The following LSAMP variants were observed in gnomAD, a reference collection of about 807,000 sequenced individuals.
LSAMP encodes limbic system-associated membrane protein.
In LSAMP, 7 loss-of-function variants were observed where a neutral mutation model predicts 38.6. The observed-to-expected ratio is 0.18, with a 90% confidence interval of 0.10 to 0.34. LSAMP has a LOEUF of 0.34. LSAMP is among the 10% of genes least tolerant of loss of function. The pLI is 1.00. For missense variants in LSAMP, 313 were observed against 420.0 expected, an observed-to-expected ratio of 0.75 and a Z score of 2.23; for synonymous variants, 154 against 166.8, an observed-to-expected ratio of 0.92 and a Z score of 0.59.
intron 3 of LSAMP, among the ~76,000 whole-genome samples, chr3:115,873,496 G>T (rs1403624672): frequency 6.6e-6 from 1 of 151,800 alleles, no homozygotes; most frequent in East Asian, 1.9e-4. Context: ...GAAAATAAGA[G>T]AAAAAAGGAG....
intron 3 of LSAMP, among the ~76,000 whole-genome samples, chr3:115,932,944 G>A (rs1937604846): frequency 6.6e-6 from 1 of 152,164 alleles, no homozygotes. Context: ...GTGGAAAGAG[G>A]TGGTGACTTG....
chr3:116,385,920 T>TTACTACTACTACTAC (rs71616351), intron 1 of LSAMP, among the ~76,000 whole-genome samples: 10 of 151,012 alleles, frequency 6.6e-5, no homozygotes, highest in African/African-American at 2.4e-4. Context: ...ATTATTGACA[T>TTACTACTACTACTAC]TACTACTACT....
intron 1 of LSAMP, among the ~76,000 whole-genome samples, chr3:116,215,386 C>A (rs2046207223): frequency 6.6e-6 from 1 of 152,046 alleles, no homozygotes; most frequent in Non-Finnish European, 1.5e-5. Flanking sequence ...ATACCTGCCA[C>A]TTCCAACTTT....
chr3:116,081,378 T>G (rs1334939821), intron 2 of LSAMP, among the ~76,000 whole-genome samples: 7 of 151,444 alleles, frequency 4.6e-5, no homozygotes, highest in Admixed American at 4.6e-4. Context: ...TGCTTGAACC[T>G]GGGAAGCAGA....
intron 1 of LSAMP, among the ~76,000 whole-genome samples, chr3:116,297,284 A>C (rs2047349294): frequency 1.3e-5 from 2 of 152,218 alleles, no homozygotes; most frequent in South Asian, 4.1e-4. Context: ...GGTCACTGAA[A>C]TCTTGGAGAG....
intron 1 of LSAMP, among the ~76,000 whole-genome samples, chr3:116,097,907 G>A (rs940818851): frequency 1.3e-5 from 2 of 151,836 alleles, no homozygotes; most frequent in Non-Finnish European, 2.9e-5. Context: ...GGCTAATTTT[G>A]TATTTTTAGG....
chr3:116,252,527 G>GA (rs200078334), intron 1 of LSAMP, among the ~76,000 whole-genome samples: 145 of 150,144 alleles, frequency 9.7e-4, no homozygotes, highest in African/African-American at 3.1e-3. Context: ...AATAATGTAT[G>GA]AAAAAAAAAT....
chr3:116,409,087 G>T (rs2048936779), intron 1 of LSAMP, among the ~76,000 whole-genome samples: 1 of 152,006 alleles, frequency 6.6e-6, no homozygotes, highest in Non-Finnish European at 1.5e-5. Context: ...GTGCTAAAAA[G>T]TGTCTATCAT....
chr3:116,246,062 AG>A (rs1371381278), intron 1 of LSAMP, among the ~76,000 whole-genome samples: 4 of 152,170 alleles, frequency 2.6e-5, no homozygotes, highest in Admixed American at 1.3e-4. Context: ...CTTCCCAATG[AG>A]AAAAAAATGA....
intron 2 of LSAMP, among the ~76,000 whole-genome samples, chr3:116,053,045 A>G (rs1941424827): frequency 6.6e-6 from 1 of 152,248 alleles, no homozygotes; most frequent in African/African-American, 2.4e-5. Context: ...GGCACCAGCC[A>G]TCACCTGATG....
At chr3:116,133,957 C>T (rs1021794193) in intron 1 of LSAMP, among the ~76,000 whole-genome samples, 9 of 152,102 alleles carry the variant, frequency 5.9e-5, no homozygotes, top group Non-Finnish European at 1.2e-4. Flanking sequence ...ATTAGTGACA[C>T]AGATGGAACA....
chr3:115,979,941 T>C (rs1376730244), intron 3 of LSAMP, among the ~76,000 whole-genome samples: 1 of 152,134 alleles, frequency 6.6e-6, no homozygotes, highest in East Asian at 1.9e-4. Flanking sequence ...AAAGGTGCCC[T>C]TTAATCATTA....
intron 1 of LSAMP, among the ~76,000 whole-genome samples, chr3:116,344,308 A>C (rs1340647077): frequency 6.6e-6 from 1 of 152,184 alleles, no homozygotes; most frequent in African/African-American, 2.4e-5. Flanking sequence ...AAGAAAATGC[A>C]AATAACCCAG....
intron 2 of LSAMP, among the ~76,000 whole-genome samples, chr3:116,059,159 T>G (rs959607468): frequency 6.6e-6 from 1 of 152,196 alleles, no homozygotes; most frequent in Non-Finnish European, 1.5e-5. Context: ...ATTTAGAACC[T>G]GGCTGGCTGA....
chr3:116,439,736 A>ATTTG (rs2049407272), intron 1 of LSAMP, among the ~76,000 whole-genome samples: 1 of 152,116 alleles, frequency 6.6e-6, no homozygotes, highest in African/African-American at 2.4e-5. Flanking sequence ...TTATTTATTT[A>ATTTG]TTTTTGAGAC....
chr3:115,974,566 A>C (rs1165939071), intron 3 of LSAMP, among the ~76,000 whole-genome samples: 3 of 152,068 alleles, frequency 2.0e-5, no homozygotes, highest in Non-Finnish European at 2.9e-5. Flanking sequence ...TTTTCCTTAA[A>C]AGTAAGGGCA....
At chr3:115,985,242 C>A (rs1300443615) in intron 3 of LSAMP, among the ~76,000 whole-genome samples, 2 of 152,012 alleles carry the variant, frequency 1.3e-5, no homozygotes, top group African/African-American at 4.8e-5. Context: ...AAATCAGTAC[C>A]AAAGCGTTGC....
At chr3:116,044,959 ACAAAAAAACC>A (rs990892679) in intron 2 of LSAMP, among the ~76,000 whole-genome samples, 1 of 152,162 alleles carries the variant, frequency 6.6e-6, no homozygotes, top group Non-Finnish European at 1.5e-5. Context: ...AAAACAAAAA[ACAAAAAAACC>A]CAGGCTGCCA....
chr3:115,856,822 G>A (rs1264393062), intron 3 of LSAMP, among the ~76,000 whole-genome samples: 1 of 152,146 alleles, frequency 6.6e-6, no homozygotes, highest in Non-Finnish European at 1.5e-5. Context: ...AAGCTACCCA[G>A]TCTATGGTAT....
Sources: gnomAD v4.1 joint callset for allele counts (sites outside exome capture counted in the v4.1 genomes callset) on GRCh38, gnomAD v4.1.1 for gene constraint, MANE v1.5 for transcripts, NCBI Gene and HGNC (gene_info 2026-07-23, HGNC 2026-07-21) for gene names.